The following CACNA2D3 variants were observed in gnomAD, a reference collection of about 807,000 sequenced individuals.
CACNA2D3 encodes the protein calcium voltage-gated channel auxiliary subunit alpha2delta 3.
CACNA2D3 carries 60 observed loss-of-function variants against 160.6 expected under a neutral mutation model. That is an observed-to-expected ratio of 0.37 (90% confidence interval 0.30 to 0.46). The LOEUF is 0.46. Ranked by LOEUF, CACNA2D3 falls within the 20% of genes least tolerant of loss-of-function variation. The pLI is 1.00. For synonymous variants in CACNA2D3, 558 were observed against 492.9 expected (o/e 1.13, Z -1.75); for missense variants, 1,205 against 1,365.0 (o/e 0.88, Z 1.85).
At position 55,024,622 on chromosome 3, in the gene CACNA2D3, G is replaced by T. The variant is rs566685080; in HGVS notation, c.2987+6305G>T. ...CCCTGACTAAACACTAAGTCTGCTG[G>T]TGTCTTGATCTTGGGATTCCCAGCC... is the stretch of plus-strand genomic sequence containing the variant. On this transcript the variant is annotated intron_variant, in intron 35 of 37. Coordinates refer to ENST00000474759, the MANE Select transcript of CACNA2D3 (RefSeq NM_018398.3). Among the ~76,000 whole-genome samples, 7 of 152,254 alleles carry T rather than the reference G, an allele frequency of 4.6e-5. No homozygotes were observed. The South Asian group carries it at 1.4e-3, about 32-fold the overall frequency.
At chr3:54,933,987 T>C (rs1232595665) in intron 27 of CACNA2D3, among the ~76,000 whole-genome samples, 1 of 152,136 alleles carries the variant, frequency 6.6e-6, no homozygotes, top group African/African-American at 2.4e-5. Context: ...GTCAGGCTGG[T>C]CTCTAACTCC....
Position 54,690,872 on chromosome 3 carries a change from G to A in CACNA2D3, c.1167+48631G>A, listed in dbSNP as rs1700557910. Among the ~76,000 whole-genome samples, 3 of 152,154 alleles carry A rather than the reference G, an allele frequency of 2.0e-5. 1 individual carries two copies. In the South Asian group the frequency reaches 6.2e-4, roughly 32 times the overall value. Reference sequence around the variant, plus strand: ...AGAAGGATTTAGGCTAGTCTTCTGGGAAAGTCACCTCTGAGGGGTAGTGCA... The same window carrying A: ...AGAAGGATTTAGGCTAGTCTTCTGGAAAAGTCACCTCTGAGGGGTAGTGCA... On this transcript the variant is annotated intron_variant, in intron 11 of 37. Coordinates refer to ENST00000474759, the MANE Select transcript of CACNA2D3 (RefSeq NM_018398.3).
At chr3:54,877,146 C>T (rs958214873) in intron 18 of CACNA2D3, 10 of 152,110 alleles carry the variant, frequency 6.6e-5, no homozygotes, top group Admixed American at 3.3e-4. Context: ...AACATAGCAA[C>T]GAAATCTACT....
intron 2 of CACNA2D3, among the ~76,000 whole-genome samples, chr3:54,210,178 G>A (rs964594916): frequency 1.3e-5 from 2 of 152,192 alleles, no homozygotes; most frequent in Non-Finnish European, 2.9e-5. Context: ...GGGTGGTGGG[G>A]AGAGGAGTGT....
At chr3:54,422,650 T>C (rs554022712) in intron 4 of CACNA2D3, among the ~76,000 whole-genome samples, 3 of 152,166 alleles carry the variant, frequency 2.0e-5, no homozygotes, top group Non-Finnish European at 4.4e-5. Context: ...TAACAATCAG[T>C]TGGCAAAATA....
intron 4 of CACNA2D3, among the ~76,000 whole-genome samples, chr3:54,462,728 C>G (rs1408496685): frequency 6.6e-6 from 1 of 152,156 alleles, no homozygotes; most frequent in East Asian, 1.9e-4. Flanking sequence ...ACTCTTTATC[C>G]AATTTGCCAG....
chr3:54,784,543 A>G (rs1382019205), intron 13 of CACNA2D3, among the ~76,000 whole-genome samples: 1 of 152,150 alleles, frequency 6.6e-6, no homozygotes, highest in Non-Finnish European at 1.5e-5. Context: ...TCCATGCACA[A>G]TTATTTGCAA....
chr3:54,459,673 C>T (rs1286789452), intron 4 of CACNA2D3, among the ~76,000 whole-genome samples: 1 of 151,676 alleles, frequency 6.6e-6, no homozygotes, highest in Admixed American at 6.6e-5. Context: ...TGGATATTAG[C>T]CCTTTGTCAG....
intron 35 of CACNA2D3, among the ~76,000 whole-genome samples, chr3:55,038,184 G>T (rs947238381): frequency 6.6e-6 from 1 of 152,140 alleles, no homozygotes; most frequent in African/African-American, 2.4e-5. Flanking sequence ...GTGGTACCTA[G>T]AACAAGCAGA....
At chr3:55,024,943 G>A (rs1575440767) in intron 35 of CACNA2D3, among the ~76,000 whole-genome samples, 1 of 152,270 alleles carries the variant, frequency 6.6e-6, no homozygotes, top group Middle Eastern at 3.4e-3. Context: ...TGAGGTAAAT[G>A]CCACTGGTTT....
chr3:54,945,916 G>A (rs1268211841), intron 27 of CACNA2D3, among the ~76,000 whole-genome samples: 1 of 152,062 alleles, frequency 6.6e-6, no homozygotes. Context: ...GGCCATCCTC[G>A]TTGGAATAAA....
intron 12 of CACNA2D3, among the ~76,000 whole-genome samples, chr3:54,763,871 G>GTA (rs1157556821): frequency 0.043 from 1,391 of 32,522 alleles, 276 homozygotes; most frequent in Non-Finnish European, 0.062. Context: ...ATATATATAC[G>GTA]TATATATATG....
intron 16 of CACNA2D3, among the ~76,000 whole-genome samples, chr3:54,841,899 G>T (rs1698826498): frequency 6.6e-6 from 1 of 152,164 alleles, no homozygotes; most frequent in Non-Finnish European, 1.5e-5. Flanking sequence ...TATGCCTCTG[G>T]TCCAGGGCCC....
intron 2 of CACNA2D3, among the ~76,000 whole-genome samples, chr3:54,222,299 T>C (rs534546667): frequency 1.8e-4 from 27 of 152,314 alleles, no homozygotes; most frequent in Admixed American, 7.8e-4. Context: ...TATTTCTTTC[T>C]GAATGCTAGT....
In CACNA2D3 at chr3:54,584,126, G is replaced by A. The variant is rs149875607; in HGVS notation, c.963+2249G>A. On this transcript the variant is annotated intron_variant, in intron 9 of 37. Transcript: ENST00000474759. ...ACTGCTAAGAGAAAAGATGAAATCG[G>A]ATCCAGAGTCTCATAATATAAAATC... Among the ~76,000 whole-genome samples the A allele has an allele frequency of 1.4e-3, 206 of 152,038 alleles. 1 individual carries two copies. The highest frequency in any genetic ancestry group is 4.7e-3 in the African/African-American group (195 of 41,478).
Position 55,066,323 on chromosome 3 carries a change from TA to T in CACNA2D3, c.2988-7117del, listed in dbSNP as rs1436445612. On this transcript the variant is annotated intron_variant, in intron 35 of 37. Transcript: ENST00000474759. Reference sequence around the variant, plus strand: ...AAATCTGGAGAATCTATATAAAGGGTAAAAATCTATAAAGGGTGAAATACCT... The same window carrying T: ...AAATCTGGAGAATCTATATAAAGGGTAAAATCTATAAAGGGTGAAATACCT... Among the ~76,000 whole-genome samples, 3 of 152,072 alleles carry T rather than the reference TA, an allele frequency of 2.0e-5. No individual in the cohort carries two copies. In the East Asian group the frequency reaches 5.8e-4, roughly 29 times the overall value.
chr3:54,513,807 A>G (rs751918135), intron 5 of CACNA2D3, among the ~76,000 whole-genome samples: 1 of 152,118 alleles, frequency 6.6e-6, no homozygotes, highest in South Asian at 2.1e-4. Flanking sequence ...CAGCCCCCCA[A>G]GTAGCTGGGT....
At chr3:54,875,266 C>T (rs981826138) in intron 18 of CACNA2D3, 1 of 152,058 alleles carries the variant, frequency 6.6e-6, no homozygotes, top group Admixed American at 6.6e-5. Context: ...CAAACTGACA[C>T]ATAGGGGAGG....
chr3:54,158,496 T>G (rs936885444), intron 2 of CACNA2D3, among the ~76,000 whole-genome samples: 1 of 152,208 alleles, frequency 6.6e-6, no homozygotes, highest in Non-Finnish European at 1.5e-5. Context: ...CTCTCCAGGA[T>G]AAACCGACTT....
Sources: allele counts gnomAD v4.1 joint callset (sites outside exome capture counted in the v4.1 genomes callset), GRCh38; gene constraint gnomAD v4.1.1; transcripts MANE v1.5; gene names NCBI Gene and HGNC (gene_info 2026-07-23, HGNC 2026-07-21).